The following TRDN variants were observed in gnomAD, a reference collection of about 807,000 sequenced individuals.
TRDN encodes the protein triadin.
Under a neutral mutation model 149.7 loss-of-function variants are expected in TRDN, and 161 were observed. That is an observed-to-expected ratio of 1.08 (90% confidence interval 0.95 to 1.23). The LOEUF (loss-of-function observed/expected upper bound fraction) is 1.23, where lower values mean the gene tolerates loss of function less well. Ranked by LOEUF, TRDN falls within the 50% of genes most tolerant of loss-of-function variation. TRDN has a pLI of 0.00. For missense variants in TRDN, 896 were observed against 823.5 expected (o/e 1.09, Z -1.08); for synonymous variants, 294 against 250.5 (o/e 1.17, Z -1.64).
At chr6:123,509,205 C>T (rs569979728) in intron 7 of TRDN, among the ~76,000 whole-genome samples, 42 of 151,744 alleles carry the variant, frequency 2.8e-4, no homozygotes, top group South Asian at 1.5e-3. Context: ...TGTGCACCTC[C>T]CCCAGAAGAA....
intron 24 of TRDN, among the ~76,000 whole-genome samples, chr6:123,294,108 G>T (rs537699340): frequency 6.6e-6 from 1 of 152,292 alleles, no homozygotes; most frequent in South Asian, 2.1e-4. Flanking sequence ...ATAGACTAGT[G>T]TTGGATTATT....
At chr6:123,333,155 C>T (rs906957495) in intron 22 of TRDN, among the ~76,000 whole-genome samples, 1 of 152,024 alleles carries the variant, frequency 6.6e-6, no homozygotes, top group African/African-American at 2.4e-5. Flanking sequence ...ACTGCTCTTG[C>T]ACTTCCTGGC....
chr6:123,377,652 G>A (rs1781560309), intron 18 of TRDN, 64 bp downstream of exon 18: 2 of 1,590,136 alleles, frequency 1.3e-6, no homozygotes, highest in African/African-American at 2.7e-5. Flanking sequence ...ACCTGTTTGA[G>A]GCTACAGCAT....
intron 1 of TRDN, among the ~76,000 whole-genome samples, chr6:123,615,566 ATAT>A (rs1011554641): frequency 2.6e-5 from 4 of 152,012 alleles, no homozygotes; most frequent in African/African-American, 4.8e-5. Context: ...ACACAATGGA[ATAT>A]TATTTGTCCC....
intron 1 of TRDN, among the ~76,000 whole-genome samples, chr6:123,591,110 G>A (rs1783757718): frequency 6.6e-6 from 1 of 152,100 alleles, no homozygotes; most frequent in African/African-American, 2.4e-5. Flanking sequence ...TACCACAATT[G>A]TGTAGAAAAC....
At chr6:123,276,871 G>T (rs893424832) in intron 26 of TRDN, among the ~76,000 whole-genome samples, 1 of 152,098 alleles carries the variant, frequency 6.6e-6, no homozygotes, top group East Asian at 1.9e-4. Context: ...GAATTCAAAC[G>T]CCTGGGTTAA....
intron 20 of TRDN, among the ~76,000 whole-genome samples, chr6:123,364,123 C>A (rs750436930): frequency 3.5e-4 from 53 of 152,200 alleles, no homozygotes; most frequent in Admixed American, 9.8e-4. Context: ...TTTCTCTGAG[C>A]CTACTCTGGC....
intron 23 of TRDN, among the ~76,000 whole-genome samples, chr6:123,331,425 A>T (rs1174104202): frequency 6.6e-6 from 1 of 152,078 alleles, no homozygotes; most frequent in Non-Finnish European, 1.5e-5. Flanking sequence ...AGACAAGAGG[A>T]TTGGACTACA....
intron 12 of TRDN, among the ~76,000 whole-genome samples, chr6:123,425,253 G>C (rs1269256821): frequency 4.0e-5 from 6 of 149,498 alleles, no homozygotes; most frequent in African/African-American, 1.5e-4. Flanking sequence ...GTGTGTGTGT[G>C]TGTGTGTGTG....
intron 10 of TRDN, among the ~76,000 whole-genome samples, chr6:123,458,779 AC>A (rs2114684945): frequency 6.6e-6 from 1 of 152,186 alleles, no homozygotes; most frequent in Admixed American, 6.5e-5. Flanking sequence ...TTTGAAGCTA[AC>A]CTTTGTATGA....
intron 1 of TRDN, among the ~76,000 whole-genome samples, chr6:123,574,472 G>A (rs1782730095): frequency 6.6e-6 from 1 of 151,908 alleles, no homozygotes; most frequent in Non-Finnish European, 1.5e-5. Context: ...TGAATGATAG[G>A]AGTGCTTTGA....
chr6:123,500,532 C>A (rs918869852), intron 8 of TRDN, among the ~76,000 whole-genome samples: 1 of 152,076 alleles, frequency 6.6e-6, no homozygotes, highest in Non-Finnish European at 1.5e-5. Context: ...AATTGTCCTG[C>A]CATTCTAACT....
chr6:123,416,587 A>G lies in TRDN; in HGVS notation c.1051+21476T>C, dbSNP rs74344022. Among the ~76,000 whole-genome samples, 46 of 152,304 alleles carry G rather than the reference A, an allele frequency of 3.0e-4. No individual in the cohort carries two copies. In the East Asian group the frequency reaches 7.9e-3, roughly 26 times the overall value. ...GCCCTCTCAATTCTTCATAGCAAGTATCATTCTCGGATATCATACTACATG... is the reference window on the plus strand; with the variant it reads ...GCCCTCTCAATTCTTCATAGCAAGTGTCATTCTCGGATATCATACTACATG... On this transcript the variant is annotated intron_variant, in intron 12 of 40. Coordinates refer to ENST00000334268, the MANE Select transcript of TRDN (RefSeq NM_006073.4).
chr6:123,457,090 A>G (rs1215325017), intron 10 of TRDN, among the ~76,000 whole-genome samples: 2 of 152,234 alleles, frequency 1.3e-5, no homozygotes, highest in East Asian at 3.8e-4. Context: ...AATTCGCTCA[A>G]ATTCACAAAC....
intron 12 of TRDN, among the ~76,000 whole-genome samples, chr6:123,433,141 TAAATATATATATATATATATA>T (rs1225228027): frequency 2.6e-3 from 182 of 70,126 alleles, no homozygotes; most frequent in African/African-American, 5.9e-3. Flanking sequence ...CCACACATCA[TAAATATATATATATATATATA>T]ATATATATAT....
chr6:123,507,840 CAGA>C (rs1231273797), intron 7 of TRDN, among the ~76,000 whole-genome samples: 10 of 152,266 alleles, frequency 6.6e-5, no homozygotes, highest in Non-Finnish European at 1.2e-4. Flanking sequence ...GCATCAGATT[CAGA>C]ATGTCTGATG....
chr6:123,581,207 C>T (rs1471104605), intron 1 of TRDN, among the ~76,000 whole-genome samples: 1 of 152,122 alleles, frequency 6.6e-6, no homozygotes, highest in Non-Finnish European at 1.5e-5. Context: ...TTATTAAATT[C>T]CCACTGTTTA....
In TRDN at chr6:123,379,713, C is replaced by T. The variant is rs78075036; in HGVS notation, c.1186+1657G>A. Among the ~76,000 whole-genome samples, 951 of 152,144 alleles carry T rather than the reference C, an allele frequency of 6.3e-3. 3 individuals are homozygous for T. Among genetic ancestry groups the T allele is most frequent in the Non-Finnish European group, 8.5e-3 (580 of 68,006 alleles). The stretch of plus-strand genomic sequence containing the variant: ...AGCTCATGGTGTAATTATTGAATTA[C>T]CTTAGTAAATATACATTGATTTACC... On this transcript the variant is annotated intron_variant, in intron 16 of 40. Transcript: ENST00000334268.
chr6:123,626,998 G>A (rs941334093), intron 1 of TRDN, among the ~76,000 whole-genome samples: 76 of 151,116 alleles, frequency 5.0e-4, no homozygotes, highest in Non-Finnish European at 7.4e-4. Context: ...GCACGATCTC[G>A]GCTCACTGCA....
Sources: gnomAD v4.1 joint callset for allele counts (sites outside exome capture counted in the v4.1 genomes callset) on GRCh38, gnomAD v4.1.1 for gene constraint, MANE v1.5 for transcripts, NCBI Gene and HGNC (gene_info 2026-07-23, HGNC 2026-07-21) for gene names.